The following LAMA2 variants were observed in gnomAD, a reference collection of about 807,000 sequenced individuals.
LAMA2 encodes laminin subunit alpha-2.
In LAMA2, 269 loss-of-function variants were observed where a neutral mutation model predicts 364.8. The observed-to-expected ratio is 0.74, with a 90% CI of 0.67 to 0.82. LAMA2 has a LOEUF of 0.82. Ranked by LOEUF, LAMA2 falls within the 40% of genes least tolerant of loss-of-function variation. LAMA2 has a pLI of 0.00. For missense variants in LAMA2, 3,807 were observed against 3,873.2 expected, an observed-to-expected ratio of 0.98 and a Z score of 0.45; for synonymous variants, 1,379 against 1,370.6, an observed-to-expected ratio of 1.01 and a Z score of -0.14.
At chr6:129,508,039 A>G (rs1786247808) in intron 62 of LAMA2, among the ~76,000 whole-genome samples, 1 of 152,064 alleles carries the variant, frequency 6.6e-6, no homozygotes, top group Non-Finnish European at 1.5e-5. Context: ...CCCCATCAAC[A>G]CACACCCATA....
chr6:129,099,734 A>T (rs571638275), intron 4 of LAMA2, among the ~76,000 whole-genome samples: 1 of 152,328 alleles, frequency 6.6e-6, no homozygotes, highest in Non-Finnish European at 1.5e-5. Context: ...CTATTTTTAT[A>T]TTAATGTATA....
intron 12 of LAMA2, among the ~76,000 whole-genome samples, chr6:129,231,305 G>A (rs549096533): frequency 2.0e-5 from 3 of 152,120 alleles, no homozygotes; most frequent in East Asian, 1.9e-4. Context: ...GCTACCAATC[G>A]TTTAAATAGT....
chr6:129,042,784 A>AATTAT (rs1279217677), intron 1 of LAMA2, among the ~76,000 whole-genome samples: 11 of 152,138 alleles, frequency 7.2e-5, no homozygotes, highest in Admixed American at 7.2e-4. Flanking sequence ...TTTGGTGTAA[A>AATTAT]CTTATATTAT....
At position 128,962,185 on chromosome 6, in the gene LAMA2, T is replaced by TATACAC. The variant is rs1214826895; in HGVS notation, c.112+78829_112+78830insTACACA. 1.9e-4 allele frequency among the ~76,000 whole-genome samples: 20 copies of TATACAC among 103,926 alleles called. 1 individual carries two copies. Among genetic ancestry groups the TATACAC allele is most frequent in the African/African-American group, 4.1e-4 (11 of 26,972 alleles). The allele number at this position is 103,926 out of a possible 152,430, so 68.2% of individuals were successfully genotyped here. A position where few individuals can be genotyped will look rare whatever the true frequency, so the allele number is the denominator to read the frequency against. The stretch of plus-strand genomic sequence containing the variant: ...ATATATATATATATATATATATATA[T>TATACAC]ACACACATACACACACACATACACA... On this transcript the variant is annotated intron_variant, in intron 1 of 64. Coordinates refer to ENST00000421865, the MANE Select transcript of LAMA2 (RefSeq NM_000426.4).
chr6:129,282,879 G>A (rs1788822490), intron 18 of LAMA2, among the ~76,000 whole-genome samples: 2 of 152,138 alleles, frequency 1.3e-5, no homozygotes, highest in Non-Finnish European at 2.9e-5. Flanking sequence ...GGGTCTGGCA[G>A]ATTCCTATGT....
At chr6:128,925,071 A>G (rs1034223960) in intron 1 of LAMA2, among the ~76,000 whole-genome samples, 1 of 152,224 alleles carries the variant, frequency 6.6e-6, no homozygotes, top group Non-Finnish European at 1.5e-5. Context: ...TGATGGGAAT[A>G]TAAAATGGTG....
intron 1 of LAMA2, among the ~76,000 whole-genome samples, chr6:129,016,127 CCAAT>C (rs1366861606): frequency 1.3e-5 from 2 of 151,820 alleles, no homozygotes; most frequent in African/African-American, 2.4e-5. Context: ...AAAGTAAAAC[CCAAT>C]CAAAGTTTAT....
intron 1 of LAMA2, chr6:128,929,402 A>G (rs539659676): frequency 2.2e-6 from 2 of 891,756 alleles, no homozygotes; most frequent in African/African-American, 3.3e-5. Flanking sequence ...GATGAGTGAT[A>G]GCACACCTCC....
rs767725662 is a variant in LAMA2 at position 129,342,331 on chromosome 6, T to C, written c.4312-12T>C. The C allele has an allele frequency of 3.7e-6, 6 of 1,611,668 alleles. No individual in the cohort carries two copies. Among genetic ancestry groups the C allele is most frequent in the Non-Finnish European group, 5.1e-6 (6 of 1,178,250 alleles). Reference sequence around the variant, plus strand: ...AATTAAAAACAAACTTCTTCTCCCTTTTCCTTTACAGAATTGTCAACATCA... The same window carrying C: ...AATTAAAAACAAACTTCTTCTCCCTCTTCCTTTACAGAATTGTCAACATCA... On this transcript the variant is annotated splice_polypyrimidine_tract_variant and intron_variant, in intron 29 of 64. Coordinates refer to ENST00000421865, the MANE Select transcript of LAMA2 (RefSeq NM_000426.4).
At chr6:128,909,755 G>T (rs1198037283) in intron 1 of LAMA2, among the ~76,000 whole-genome samples, 1 of 152,076 alleles carries the variant, frequency 6.6e-6, no homozygotes, top group Non-Finnish European at 1.5e-5. Flanking sequence ...ATTTTGGCAT[G>T]ATTTTGCAGT....
chr6:128,916,220 A>C (rs976699590), intron 1 of LAMA2, among the ~76,000 whole-genome samples: 1 of 151,460 alleles, frequency 6.6e-6, no homozygotes. Context: ...AACAAAAAAA[A>C]CAAAAACAAA....
chr6:129,429,746 G>A (rs1412831785), intron 41 of LAMA2, among the ~76,000 whole-genome samples: 1 of 152,192 alleles, frequency 6.6e-6, no homozygotes. Context: ...TGGGAATAGG[G>A]AGGAAGGGAG....
At chr6:128,948,605 C>T (rs983747050) in intron 1 of LAMA2, among the ~76,000 whole-genome samples, 6 of 152,118 alleles carry the variant, frequency 3.9e-5, no homozygotes, top group Non-Finnish European at 7.4e-5. Flanking sequence ...CCCTTCAAAT[C>T]GCATGTTGAA....
At chr6:129,225,962 G>A (rs1383726936) in intron 12 of LAMA2, among the ~76,000 whole-genome samples, 1 of 152,042 alleles carries the variant, frequency 6.6e-6, no homozygotes, top group Non-Finnish European at 1.5e-5. Flanking sequence ...TTATTGTGTG[G>A]GAGTCTAAGT....
intron 7 of LAMA2, among the ~76,000 whole-genome samples, chr6:129,149,848 T>C (rs1007431427): frequency 6.6e-6 from 1 of 152,132 alleles, no homozygotes; most frequent in Non-Finnish European, 1.5e-5. Context: ...TACATTTTGT[T>C]AGGTATTATA....
At chr6:129,031,889 G>T (rs1181561266) in intron 1 of LAMA2, among the ~76,000 whole-genome samples, 1 of 151,956 alleles carries the variant, frequency 6.6e-6, no homozygotes, top group Non-Finnish European at 1.5e-5. Flanking sequence ...ACAGTGGCAC[G>T]ATCTCTGCAA....
intron 4 of LAMA2, among the ~76,000 whole-genome samples, chr6:129,127,746 A>G (rs1777199069): frequency 1.3e-5 from 2 of 151,948 alleles, no homozygotes; most frequent in South Asian, 4.1e-4. Flanking sequence ...TGTAATTTTA[A>G]TTTGCATTTC....
At chr6:129,060,623 G>A (rs1229210999) in intron 3 of LAMA2, among the ~76,000 whole-genome samples, 3 of 152,186 alleles carry the variant, frequency 2.0e-5, no homozygotes, top group African/African-American at 7.2e-5. Context: ...AGGGGTGATG[G>A]TCAGGATAGT....
chr6:129,331,033 T>G (rs909701295), intron 29 of LAMA2, among the ~76,000 whole-genome samples: 1 of 151,992 alleles, frequency 6.6e-6, no homozygotes, highest in African/African-American at 2.4e-5. Context: ...CATGCCCGGC[T>G]TCTTTTTTTG....
Sources: allele counts gnomAD v4.1 joint callset (sites outside exome capture counted in the v4.1 genomes callset), GRCh38; gene constraint gnomAD v4.1.1; transcripts MANE v1.5; gene names NCBI Gene and HGNC (gene_info 2026-07-23, HGNC 2026-07-21).